VPS13B: variants seen among roughly 807,000 people sequenced by gnomAD.
The protein encoded by VPS13B is vacuolar protein sorting 13 homolog B.
VPS13B carries 285 observed loss-of-function variants against 426.4 expected under a neutral mutation model. The ratio of observed to expected loss-of-function variants is 0.67; its 90% CI spans 0.61 to 0.74. The LOEUF (loss-of-function observed/expected upper bound fraction) is 0.74, where lower values mean the gene tolerates loss of function less well. Among genes scored for constraint, VPS13B ranks in the 30% least tolerant of loss-of-function variants. The pLI is 0.00. For synonymous variants in VPS13B, 1,676 were observed against 1,676.4 expected (o/e 1.00, Z 0.01); for missense variants, 4,537 against 4,782.6 (o/e 0.95, Z 1.51).
intron 21 of VPS13B, among the ~76,000 whole-genome samples, chr8:99,407,713 C>T (rs945140144): frequency 1.3e-5 from 2 of 151,714 alleles, no homozygotes; most frequent in African/African-American, 4.8e-5. Context: ...TACATGTGCA[C>T]AACGTGCAGG....
intron 19 of VPS13B, among the ~76,000 whole-genome samples, chr8:99,277,946 T>TA (rs1391501134): frequency 2.0e-5 from 3 of 152,202 alleles, no homozygotes; most frequent in Admixed American, 2.0e-4. Flanking sequence ...TTGAAGTATC[T>TA]AATGGAATAG....
chr8:99,826,362 C>T (rs1246412283), intron 51 of VPS13B, among the ~76,000 whole-genome samples: 2 of 152,130 alleles, frequency 1.3e-5, no homozygotes, highest in African/African-American at 2.4e-5. Flanking sequence ...CATGATTTGG[C>T]TCTCTGTTTG....
At chr8:99,143,692 G>A (rs1367527585) in intron 13 of VPS13B, among the ~76,000 whole-genome samples, 1 of 152,156 alleles carries the variant, frequency 6.6e-6, no homozygotes, top group Non-Finnish European at 1.5e-5. Context: ...ATAAGATAAT[G>A]AAGAACTCAC....
chr8:99,276,700 A>G (rs2133004115), intron 19 of VPS13B, among the ~76,000 whole-genome samples: 1 of 152,294 alleles, frequency 6.6e-6, no homozygotes, highest in Admixed American at 6.5e-5. Context: ...GATAAATATC[A>G]TGACTTTGTT....
intron 19 of VPS13B, among the ~76,000 whole-genome samples, chr8:99,338,657 A>AT (rs1811064141): frequency 6.6e-6 from 1 of 152,110 alleles, no homozygotes; most frequent in Non-Finnish European, 1.5e-5. Context: ...ATGTCAGATT[A>AT]TTTTGTTACC....
intron 30 of VPS13B, among the ~76,000 whole-genome samples, chr8:99,546,827 T>C (rs1256113756): frequency 6.6e-6 from 1 of 152,030 alleles, no homozygotes; most frequent in Admixed American, 6.6e-5. Context: ...AAGGGAGATA[T>C]CTTTGTTAGA....
At chr8:99,050,016 GT>G (rs759032750) in intron 3 of VPS13B, among the ~76,000 whole-genome samples, 56 of 150,400 alleles carry the variant, frequency 3.7e-4, no homozygotes, top group Middle Eastern at 3.4e-3. Flanking sequence ...TTTAACTTTT[GT>G]ATTTTTATTT....
At chr8:99,859,885 T>A (rs1222410846) in intron 57 of VPS13B, among the ~76,000 whole-genome samples, 1 of 152,220 alleles carries the variant, frequency 6.6e-6, no homozygotes, top group Admixed American at 6.5e-5. Context: ...AGGATATGGA[T>A]ACATTCTGAC....
intron 36 of VPS13B, among the ~76,000 whole-genome samples, chr8:99,705,999 T>G (rs569296566): frequency 6.6e-6 from 1 of 152,178 alleles, no homozygotes; most frequent in East Asian, 1.9e-4. Context: ...TTCAGAGAGA[T>G]AACCATCTCT....
intron 17 of VPS13B, among the ~76,000 whole-genome samples, chr8:99,202,741 CA>C (rs528265529): frequency 1.3e-5 from 2 of 150,608 alleles, no homozygotes; most frequent in African/African-American, 4.9e-5. Context: ...AGAGACACAA[CA>C]AAAAAAAATG....
intron 19 of VPS13B, among the ~76,000 whole-genome samples, chr8:99,330,853 CA>C (rs1482434920): frequency 1.3e-5 from 2 of 151,612 alleles, no homozygotes; most frequent in Admixed American, 6.6e-5. Flanking sequence ...AGCCATTAAG[CA>C]AAATTTTATT....
At chr8:99,452,531 T>G (rs1818247577) in intron 23 of VPS13B, among the ~76,000 whole-genome samples, 1 of 152,158 alleles carries the variant, frequency 6.6e-6, no homozygotes, top group Non-Finnish European at 1.5e-5. Flanking sequence ...AATTTTCAAG[T>G]TATTCATGGT....
intron 30 of VPS13B, among the ~76,000 whole-genome samples, chr8:99,542,195 ATAATAAAGGCT>A (rs1384979358): frequency 6.6e-6 from 1 of 152,194 alleles, no homozygotes; most frequent in Non-Finnish European, 1.5e-5. Flanking sequence ...GGCCTAAGCA[ATAATAAAGGCT>A]TAAGCCCGGC....
At chr8:99,610,711 A>T (rs567423965) in intron 33 of VPS13B, among the ~76,000 whole-genome samples, 5 of 152,170 alleles carry the variant, frequency 3.3e-5, no homozygotes, top group Non-Finnish European at 5.9e-5. Context: ...CGTTCTGCAC[A>T]TGTATCCCAG....
At chr8:99,042,516 T>C (rs1309514004) in intron 3 of VPS13B, among the ~76,000 whole-genome samples, 1 of 152,214 alleles carries the variant, frequency 6.6e-6, no homozygotes, top group African/African-American at 2.4e-5. Flanking sequence ...CCTACAGGTT[T>C]AGCTAGATTT....
intron 17 of VPS13B, among the ~76,000 whole-genome samples, chr8:99,249,127 AAGG>A (rs1817370819): frequency 6.7e-6 from 1 of 150,354 alleles, no homozygotes; most frequent in Admixed American, 6.7e-5. Flanking sequence ...TCTGATATTA[AAGG>A]AATCATATAT....
intron 14 of VPS13B, among the ~76,000 whole-genome samples, chr8:99,153,393 T>C (rs919874252): frequency 6.6e-6 from 1 of 152,176 alleles, no homozygotes; most frequent in African/African-American, 2.4e-5. Context: ...TTTTTCCCGC[T>C]CTTTTTTGGC....
intron 33 of VPS13B, among the ~76,000 whole-genome samples, chr8:99,639,660 T>A (rs569514001): frequency 1.4e-3 from 204 of 147,982 alleles, no homozygotes; most frequent in African/African-American, 4.6e-3. Flanking sequence ...ATATATATAT[T>A]ATTATATATA....
chr8:99,128,987 T>G (rs1020204912), intron 8 of VPS13B, among the ~76,000 whole-genome samples: 2 of 151,716 alleles, frequency 1.3e-5, no homozygotes, highest in Non-Finnish European at 2.9e-5. Context: ...AAAAAAAAAA[T>G]TTACAAATAA....
Sources: gnomAD v4.1 joint callset for allele counts (sites outside exome capture counted in the v4.1 genomes callset) on GRCh38, gnomAD v4.1.1 for gene constraint, MANE v1.5 for transcripts, NCBI Gene and HGNC (gene_info 2026-07-23, HGNC 2026-07-21) for gene names.